The following SNRPD1 variants were observed in gnomAD, a reference collection of about 807,000 sequenced individuals.
SNRPD1 encodes the protein small nuclear ribonucleoprotein Sm D1.
In SNRPD1, 1 loss-of-function variant was observed where a neutral mutation model predicts 14.4. The ratio of observed to expected loss-of-function variants is 0.07; its 90% CI spans 0.02 to 0.33. SNRPD1 has a LOEUF of 0.33. Among genes scored for constraint, SNRPD1 ranks in the 10% least tolerant of loss-of-function variants. The pLI is 1.00. For synonymous variants in SNRPD1, 42 were observed against 50.3 expected (o/e 0.83, Z 0.70); for missense variants, 52 against 146.4 (o/e 0.36, Z 3.33).
At chr18:21,621,490 T>TC (rs771716522) in intron 1 of SNRPD1, among the ~76,000 whole-genome samples, 2 of 152,122 alleles carry the variant, frequency 1.3e-5, no homozygotes, top group Non-Finnish European at 2.9e-5. Flanking sequence ...AAATGCTGCC[T>TC]CCCGGGTTCA....
intron 1 of SNRPD1, among the ~76,000 whole-genome samples, chr18:21,618,155 G>GCT (rs2038971191): frequency 6.6e-6 from 1 of 151,938 alleles, no homozygotes; most frequent in Admixed American, 6.6e-5. Flanking sequence ...GGGTGCAGTG[G>GCT]CTCACGCTTG....
At chr18:21,613,043 T>G (rs1274694463) in intron 1 of SNRPD1, among the ~76,000 whole-genome samples, 1 of 152,194 alleles carries the variant, frequency 6.6e-6, no homozygotes, top group Non-Finnish European at 1.5e-5. Flanking sequence ...AGATTTGTGA[T>G]TGATTATTCC....
At chr18:21,614,909 C>G (rs916311726) in intron 1 of SNRPD1, among the ~76,000 whole-genome samples, 3 of 152,192 alleles carry the variant, frequency 2.0e-5, no homozygotes, top group African/African-American at 7.2e-5. Context: ...CCTTTCATTC[C>G]AGTCACCACC....
chr18:21,622,906 AT>A (rs1266077319), intron 2 of SNRPD1, 105 bp downstream of exon 2: 67 of 476,852 alleles, frequency 1.4e-4, no homozygotes, highest in South Asian at 2.8e-4. Context: ...ACAAATCCTT[AT>A]TTTTTTTGTC....
At chr18:21,626,375 CAG>C (rs1465933750) in intron 3 of SNRPD1, among the ~76,000 whole-genome samples, 2 of 105,754 alleles carry the variant, frequency 1.9e-5, no homozygotes, top group Non-Finnish European at 3.5e-5. Flanking sequence ...GCCTGGGTGA[CAG>C]AGTAAAACCC....
At position 21,612,383 on chromosome 18, in the gene SNRPD1, A is replaced by C; in HGVS notation, c.-47A>C. On this transcript the variant is annotated 5_prime_UTR_variant, in exon 1 of 4. Transcript: ENST00000300413. ...ACTGCAGTCGGTCAGTGTTCGGTTG[A>C]AGGATTCTGTGTGCTGTCGGACCCA... The C allele has an allele frequency of 6.6e-7, 1 of 1,507,086 alleles. No homozygotes were observed. The highest frequency in any genetic ancestry group is 2.5e-5 in the East Asian group (1 of 40,190). The allele number at this position is 1,507,086 out of a possible 1,614,324, so 93.4% of individuals were successfully genotyped here. A position where few individuals can be genotyped will look rare whatever the true frequency, so the allele number is the denominator to read the frequency against.
In SNRPD1 at chr18:21,630,133, G is replaced by C. The variant is rs895546884; in HGVS notation, c.*995G>C. 6.6e-6 allele frequency: 1 copy of C among 152,134 alleles called. No homozygotes were observed. Among genetic ancestry groups the C allele is most frequent in the African/African-American group, 2.4e-5 (1 of 41,448 alleles). The allele number at this position is 152,134 out of a possible 1,614,324, so 9.4% of individuals were successfully genotyped here. A position where few individuals can be genotyped will look rare whatever the true frequency, so the allele number is the denominator to read the frequency against. On this transcript the variant is annotated 3_prime_UTR_variant, in exon 4 of 4. Transcript: ENST00000300413. ...GGAGTTAATGGTCACTAGATTATCA[G>C]TTATGAGCAGTGTTAAAATCTCCTA...
rs1407089612 is a variant in SNRPD1, at chr18:21,630,728, C to T, written c.*1590C>T. On this transcript the variant is annotated 3_prime_UTR_variant, in exon 4 of 4. Coordinates refer to ENST00000300413, the MANE Select transcript of SNRPD1 (RefSeq NM_006938.4). ...TGAGCCGAGATTGTGCCACTGCACT[C>T]CAGCCTGGGCGATGGAGTGAGACTA... 1 of 150,112 alleles carries T rather than the reference C, an allele frequency of 6.7e-6. No individual in the cohort carries two copies. Among genetic ancestry groups the T allele is most frequent in the Non-Finnish European group, 1.5e-5 (1 of 67,704 alleles). The allele number at this position is 150,112 out of a possible 1,614,324, so 9.3% of individuals were successfully genotyped here. A position where few individuals can be genotyped will look rare whatever the true frequency, so the allele number is the denominator to read the frequency against.
chr18:21,615,367 G>T (rs2038949525), intron 1 of SNRPD1, among the ~76,000 whole-genome samples: 1 of 152,280 alleles, frequency 6.6e-6, no homozygotes, highest in African/African-American at 2.4e-5. Flanking sequence ...TGTAATCCCA[G>T]CACTTTGGGA....
chr18:21,630,979 CCA>C lies in SNRPD1; in HGVS notation c.*1844_*1845del, dbSNP rs1262811522. Reference sequence around the variant, plus strand: ...TAAATTCAAATGCTTTTTGATTTTTCCACAGTTGATAATTTTTTTTTGTAAGT... The same window carrying C: ...TAAATTCAAATGCTTTTTGATTTTTCCAGTTGATAATTTTTTTTTGTAAGT... On this transcript the variant is annotated 3_prime_UTR_variant, in exon 4 of 4. Coordinates refer to ENST00000300413, the MANE Select transcript of SNRPD1 (RefSeq NM_006938.4). The C allele has an allele frequency of 6.7e-6, 1 of 150,058 alleles. No homozygotes were observed. Among genetic ancestry groups the C allele is most frequent in the Non-Finnish European group, 1.5e-5 (1 of 67,712 alleles). The allele number at this position is 150,058 out of a possible 1,614,324, so 9.3% of individuals were successfully genotyped here. A position where few individuals can be genotyped will look rare whatever the true frequency, so the allele number is the denominator to read the frequency against.
chr18:21,617,389 C>T (rs909022712), intron 1 of SNRPD1, among the ~76,000 whole-genome samples: 2 of 152,118 alleles, frequency 1.3e-5, no homozygotes, highest in Non-Finnish European at 2.9e-5. Context: ...AGAAATAGAT[C>T]TGTTTGCTTG....
intron 2 of SNRPD1, among the ~76,000 whole-genome samples, chr18:21,623,458 C>CCTGTCA (rs1410229222): frequency 1.3e-5 from 2 of 152,168 alleles, no homozygotes; most frequent in Non-Finnish European, 2.9e-5. Context: ...GAAAGAAATA[C>CCTGTCA]CTGTCACATC....
At chr18:21,619,139 G>C (rs2038978687) in intron 1 of SNRPD1, among the ~76,000 whole-genome samples, 1 of 152,130 alleles carries the variant, frequency 6.6e-6, no homozygotes, top group Admixed American at 6.6e-5. Flanking sequence ...ATGCTGAAGT[G>C]TCGTAATGCC....
At chr18:21,624,553 T>TCCC in intron 3 of SNRPD1, among the ~76,000 whole-genome samples, 1 of 151,808 alleles carries the variant, frequency 6.6e-6, no homozygotes, top group East Asian at 1.9e-4. Context: ...AAATCAGGCG[T>TCCC]GGTGGTGCGT....
At chr18:21,621,847 G>C (rs2039000606) in intron 1 of SNRPD1, among the ~76,000 whole-genome samples, 2 of 152,088 alleles carry the variant, frequency 1.3e-5, no homozygotes, top group African/African-American at 4.8e-5. Flanking sequence ...AAAGTGCTGG[G>C]ATTATAAATA....
At chr18:21,618,752 A>T (rs2073683287) in intron 1 of SNRPD1, among the ~76,000 whole-genome samples, 1 of 152,158 alleles carries the variant, frequency 6.6e-6, no homozygotes, top group Admixed American at 6.6e-5. Flanking sequence ...GAGGCTTGTT[A>T]TATCCCAGAC....
intron 3 of SNRPD1, among the ~76,000 whole-genome samples, chr18:21,628,260 G>A (rs887318944): frequency 1.3e-5 from 2 of 152,080 alleles, no homozygotes; most frequent in Non-Finnish European, 2.9e-5. Context: ...TGTACCTGTA[G>A]TCCCAGCTAC....
At chr18:21,625,316 A>ATTTTTTTTTTTTTTTTTTTTTT (rs144395165) in intron 3 of SNRPD1, among the ~76,000 whole-genome samples, 4 of 109,110 alleles carry the variant, frequency 3.7e-5, no homozygotes, top group African/African-American at 1.5e-4. Context: ...GTTGAAAAAA[A>ATTTTTTTTTTTTTTTTTTTTTT]TTTTTTTTTT....
chr18:21,633,281 TTAATG>T lies in SNRPD1; in HGVS notation c.*4146_*4150del, dbSNP rs1414650563. ...GCATAACTTAGTATTTTGAAATAGA[TTAATG>T]TAGTCAGCAAACAATTCATGTATTA... is the stretch of plus-strand genomic sequence containing the variant. On this transcript the variant is annotated 3_prime_UTR_variant, in exon 4 of 4. Transcript: ENST00000300413. 6.6e-6 allele frequency: 1 copy of T among 152,224 alleles called. No individual in the cohort carries two copies. Among genetic ancestry groups the T allele is most frequent in the Non-Finnish European group, 1.5e-5 (1 of 68,048 alleles). 9.4% of individuals were successfully genotyped at this position (152,224 alleles called of 1,614,324 possible). A position where few individuals can be genotyped will look rare whatever the true frequency, so the allele number is the denominator to read the frequency against.
Sources: allele counts gnomAD v4.1 joint callset (sites outside exome capture counted in the v4.1 genomes callset), GRCh38; gene constraint gnomAD v4.1.1; transcripts MANE v1.5; gene names NCBI Gene and HGNC (gene_info 2026-07-23, HGNC 2026-07-21).